The following FBXO4 variants were observed in gnomAD, a reference collection of about 807,000 sequenced individuals.
FBXO4 encodes F-box protein 4.
Under a neutral mutation model 43.7 loss-of-function variants are expected in FBXO4, and 36 were observed. The observed-to-expected ratio is 0.82, with a 90% confidence interval of 0.63 to 1.09. The LOEUF (loss-of-function observed/expected upper bound fraction) is 1.09, where lower values mean the gene tolerates loss of function less well. Among genes scored for constraint, FBXO4 ranks in the 50% least tolerant of loss-of-function variants. The probability of loss-of-function intolerance (pLI) is 0.00; values close to 1 mark genes in which losing one functional copy is unlikely to be tolerated. For missense variants in FBXO4, 435 were observed against 474.1 expected (o/e 0.92, Z 0.77); for synonymous variants, 180 against 165.6 (o/e 1.09, Z -0.67).
At chr5:41,973,002 A>G in the FBXO4 span, among the ~76,000 whole-genome samples, 1 of 152,218 alleles carries the variant, frequency 6.6e-6, no homozygotes, top group Non-Finnish European at 1.5e-5. Context: ...CATTCTGGTC[A>G]TATGCCTTGG....
At chr5:41,979,970 A>C in the FBXO4 span, among the ~76,000 whole-genome samples, 1 of 152,178 alleles carries the variant, frequency 6.6e-6, no homozygotes, top group African/African-American at 2.4e-5. Flanking sequence ...AGACAAAACA[A>C]AACAAAGAGA....
chr5:42,023,725 C>G, the FBXO4 span, among the ~76,000 whole-genome samples: 3 of 151,648 alleles, frequency 2.0e-5, no homozygotes, highest in African/African-American at 7.3e-5. Flanking sequence ...TAATATGAAC[C>G]CCCATCTGCT....
chr5:41,938,312 A>G (rs1457918263), intron 5 of FBXO4, among the ~76,000 whole-genome samples: 1 of 152,190 alleles, frequency 6.6e-6, no homozygotes, highest in Non-Finnish European at 1.5e-5. Flanking sequence ...ACAAATTAAA[A>G]ATGTGTATTA....
chr5:41,954,813 AGTT>A, the FBXO4 span, among the ~76,000 whole-genome samples: 1 of 152,248 alleles, frequency 6.6e-6, no homozygotes, highest in African/African-American at 2.4e-5. Flanking sequence ...TTGTTAATTA[AGTT>A]GTTAACATTT....
chr5:42,025,668 G>GA, the FBXO4 span, among the ~76,000 whole-genome samples: 1 of 151,932 alleles, frequency 6.6e-6, no homozygotes, highest in Admixed American at 6.6e-5. Context: ...TAGTTTCATA[G>GA]TGTGAGGTCT....
At chr5:41,957,078 G>T in the FBXO4 span, among the ~76,000 whole-genome samples, 2 of 151,996 alleles carry the variant, frequency 1.3e-5, no homozygotes, top group Non-Finnish European at 2.9e-5. Flanking sequence ...ATGATGGAGT[G>T]AGGTGTGGTT....
chr5:41,931,731 C>G (rs1751692999), intron 3 of FBXO4, among the ~76,000 whole-genome samples: 1 of 152,248 alleles, frequency 6.6e-6, no homozygotes, highest in East Asian at 1.9e-4. Context: ...CATACGGAGT[C>G]CACATGGACT....
rs538680318 is a variant in FBXO4 at position 41,933,841 on chromosome 5, A to C, written c.647-105A>C. ...TTCAACTCTATGTATAAGTTGTTAT[A>C]GAATTTTTTCTTTACTCTTTTTGCT... On this transcript the variant is annotated intron_variant, in intron 3 of 6. Coordinates refer to ENST00000281623, the MANE Select transcript of FBXO4 (RefSeq NM_012176.3). The C allele has an allele frequency of 6.1e-5, 49 of 806,212 alleles. No homozygotes were observed. The East Asian group carries it at 1.2e-3, about 20-fold the overall frequency. The allele number at this position is 806,212 out of a possible 1,614,324, so 49.9% of individuals were successfully genotyped here.
the FBXO4 span, among the ~76,000 whole-genome samples, chr5:41,989,544 T>C: frequency 6.6e-6 from 1 of 152,218 alleles, no homozygotes; most frequent in Non-Finnish European, 1.5e-5. Flanking sequence ...TACATTAAAA[T>C]ATATTTGCCT....
the FBXO4 span, among the ~76,000 whole-genome samples, chr5:41,988,491 C>T: frequency 6.6e-6 from 1 of 152,150 alleles, no homozygotes; most frequent in Non-Finnish European, 1.5e-5. Flanking sequence ...GGAGGTAGAA[C>T]TCACAAAAGT....
the FBXO4 span, among the ~76,000 whole-genome samples, chr5:41,981,677 A>T: frequency 2.6e-5 from 4 of 151,872 alleles, no homozygotes; most frequent in East Asian, 3.9e-4. Flanking sequence ...TTTAATAATT[A>T]AAAAATTTAT....
the FBXO4 span, among the ~76,000 whole-genome samples, chr5:41,974,304 C>A: frequency 6.6e-6 from 1 of 152,100 alleles, no homozygotes; most frequent in African/African-American, 2.4e-5. Context: ...TCAAGTATTT[C>A]TGTTGCCTTT....
chr5:42,020,143 C>T, the FBXO4 span, among the ~76,000 whole-genome samples: 9 of 151,936 alleles, frequency 5.9e-5, no homozygotes, highest in Admixed American at 5.9e-4. Context: ...ATAATGGAAT[C>T]AAGAAATAGT....
chr5:42,031,986 G>T, the FBXO4 span, among the ~76,000 whole-genome samples: 1 of 151,964 alleles, frequency 6.6e-6, no homozygotes, highest in Admixed American at 6.6e-5. Context: ...ACTAGGCAGA[G>T]ACTCTTGTTC....
rs375308941 is a variant in FBXO4 at position 41,929,859 on chromosome 5, C to T, written c.588C>T (p.Ser196=). 23 of 1,614,052 alleles carry T rather than the reference C, an allele frequency of 1.4e-5. No individual in the cohort carries two copies. The highest frequency in any genetic ancestry group is 1.9e-5 in the Non-Finnish European group (23 of 1,180,026). ...LEELNTSLVL[S]LMSSEELCPT... is the part of the protein sequence containing the mutation. Reference sequence around the variant, plus strand: ...AATTGAATACCTCTTTGGTGTTGAGCTTGATGTCTTCAGAGGAACTTTGCC... The same window carrying T: ...AATTGAATACCTCTTTGGTGTTGAGTTTGATGTCTTCAGAGGAACTTTGCC... The change falls in exon 3 of 7, where the codon AGC becomes AGT. Residue 196 remains serine (S), a synonymous_variant. Coordinates refer to ENST00000281623, the MANE Select transcript of FBXO4 (RefSeq NM_012176.3).
At chr5:41,930,629 C>T (rs1220279788) in intron 3 of FBXO4, among the ~76,000 whole-genome samples, 4 of 151,924 alleles carry the variant, frequency 2.6e-5, no homozygotes, top group Admixed American at 2.0e-4. Context: ...AAAGGTGTTC[C>T]AGGCAGCGAG....
Position 41,934,143 on chromosome 5 carries a change from G to C in FBXO4, c.733G>C (p.Asp245His), listed in dbSNP as rs755875450. The C allele has an allele frequency of 6.2e-7, 1 of 1,613,942 alleles. No homozygotes were observed. The highest frequency in any genetic ancestry group is 8.5e-7 in the Non-Finnish European group (1 of 1,179,940). ...CAATTTTTTTTCTAGAAAGGAAAGA[G>C]ATAGAGCAAGGGAAGAGCATACAAG... ...ILYSTTRKER[D>H]RAREEHTSAV... is the part of the protein sequence containing the mutation. The change falls in exon 5 of 7, where the codon GAT (aspartate) becomes CAT (histidine). Residue 245 changes from aspartate to histidine, a missense_variant. Physicochemically the swap from Asp to His is moderately conservative, Grantham distance 81. Transcript: ENST00000281623.
intron 3 of FBXO4, among the ~76,000 whole-genome samples, chr5:41,931,031 A>G (rs576792010): frequency 5.3e-5 from 8 of 152,324 alleles, no homozygotes; most frequent in Non-Finnish European, 8.8e-5. Context: ...ATCTAGAAAG[A>G]GTGGAGCTAT....
At chr5:42,027,598 C>A in the FBXO4 span, among the ~76,000 whole-genome samples, 14 of 151,420 alleles carry the variant, frequency 9.2e-5, no homozygotes, top group Non-Finnish European at 1.9e-4. Flanking sequence ...GTTTGATTTG[C>A]TCTTGCTTTT....
Sources: gnomAD v4.1 joint callset for allele counts (sites outside exome capture counted in the v4.1 genomes callset) on GRCh38, gnomAD v4.1.1 for gene constraint, MANE v1.5 for transcripts, NCBI Gene and HGNC (gene_info 2026-07-23, HGNC 2026-07-21) for gene names.